ATXN8OS: variants seen among roughly 807,000 people sequenced by gnomAD.
ATXN8OS encodes the protein ATXN8 opposite strand (non-protein coding).
intron 1 of ATXN8OS, chr13:70,108,046 C>G (rs1191354793): frequency 9.5e-6 from 4 of 421,864 alleles, no homozygotes; most frequent in African/African-American, 2.0e-5. Context: ...GCTGGAGATG[C>G]GCGAGGGAGG....
exon 5 of ATXN8OS, among the ~76,000 whole-genome samples, chr13:70,170,802 A>T (rs1177444047): frequency 6.6e-6 from 1 of 152,096 alleles, no homozygotes; most frequent in African/African-American, 2.4e-5. Flanking sequence ...TGGGAACATC[A>T]CAGAATCTAC....
chr13:70,151,555 T>C (rs1423188688), intron 4 of ATXN8OS, among the ~76,000 whole-genome samples: 2 of 152,038 alleles, frequency 1.3e-5, no homozygotes, highest in Non-Finnish European at 2.9e-5. Flanking sequence ...GAAGGTTAGT[T>C]GCAAGTCAAT....
intron 3 of ATXN8OS, among the ~76,000 whole-genome samples, chr13:70,134,266 G>A (rs1888578319): frequency 2.0e-5 from 3 of 152,198 alleles, no homozygotes; most frequent in Non-Finnish European, 4.4e-5. Flanking sequence ...TCAGAGAAGA[G>A]CAATTGCAAT....
At chr13:70,167,673 A>T (rs2137508619) in intron 4 of ATXN8OS, among the ~76,000 whole-genome samples, 1 of 152,072 alleles carries the variant, frequency 6.6e-6, no homozygotes, top group Non-Finnish European at 1.5e-5. Context: ...TAACTTAAAA[A>T]AAAAGAAAAT....
At chr13:70,139,294 G>T (rs17751306) in intron 3 of ATXN8OS, 5 of 528,830 alleles carry the variant, frequency 9.5e-6, no homozygotes, top group Non-Finnish European at 1.7e-5. Flanking sequence ...GTTGGCTGAA[G>T]CCCTATTCCC....
At chr13:70,137,870 G>A (rs1888638749) in intron 3 of ATXN8OS, among the ~76,000 whole-genome samples, 1 of 152,168 alleles carries the variant, frequency 6.6e-6, no homozygotes. Context: ...ACAGTTCCAT[G>A]GTCTGTACAG....
intron 2 of ATXN8OS, among the ~76,000 whole-genome samples, chr13:70,128,620 T>G (rs1750976974): frequency 6.6e-6 from 1 of 152,182 alleles, no homozygotes; most frequent in Admixed American, 6.6e-5. Context: ...TAAACCCATG[T>G]TTAAAAATGC....
At chr13:70,157,554 T>TA (rs35761437) in intron 4 of ATXN8OS, among the ~76,000 whole-genome samples, 46,255 of 147,426 alleles carry the variant, frequency 0.31, 8,284 homozygotes, top group African/African-American at 0.51. Context: ...TACCAGCAGT[T>TA]AAAAAAAAAA....
chr13:70,161,406 A>G (rs1297465013), intron 4 of ATXN8OS, among the ~76,000 whole-genome samples: 2 of 152,138 alleles, frequency 1.3e-5, no homozygotes, highest in Non-Finnish European at 2.9e-5. Context: ...TTGTTAGTAG[A>G]TGTCAGGACT....
intron 3 of ATXN8OS, among the ~76,000 whole-genome samples, chr13:70,142,074 G>T (rs1241082521): frequency 6.6e-6 from 1 of 152,084 alleles, no homozygotes; most frequent in African/African-American, 2.4e-5. Context: ...ACAAGAGACA[G>T]GGTTTCTCCA....
chr13:70,166,391 C>T (rs1236970780), intron 4 of ATXN8OS, among the ~76,000 whole-genome samples: 4 of 151,886 alleles, frequency 2.6e-5, no homozygotes, highest in Non-Finnish European at 4.4e-5. Flanking sequence ...CTTTGACAAA[C>T]CTGACAAAAA....
intron 3 of ATXN8OS, among the ~76,000 whole-genome samples, chr13:70,140,535 A>ACAC (rs1566607725): frequency 6.2e-5 from 7 of 113,716 alleles, no homozygotes; most frequent in African/African-American, 2.0e-4. Context: ...CACACACACA[A>ACAC]AAAAAAAAAA....
intron 3 of ATXN8OS, chr13:70,139,374 A>AG (rs1555300501): frequency 1.5e-6 from 1 of 648,836 alleles, no homozygotes; most frequent in Non-Finnish European, 2.5e-6. Flanking sequence ...TACTACTACT[A>AG]CTACTACTAC....
At chr13:70,146,724 T>C (rs920717051) in intron 3 of ATXN8OS, among the ~76,000 whole-genome samples, 22 of 128,858 alleles carry the variant, frequency 1.7e-4, no homozygotes, top group African/African-American at 5.8e-4. Context: ...TGAGAACACA[T>C]GGACACAGGA....
At chr13:70,159,588 TC>T (rs1245845931) in intron 4 of ATXN8OS, among the ~76,000 whole-genome samples, 1 of 152,128 alleles carries the variant, frequency 6.6e-6, no homozygotes, top group African/African-American at 2.4e-5. Flanking sequence ...GGTGTATGGT[TC>T]CAGGGACATT....
At chr13:70,130,653 G>A (rs563836151) in intron 3 of ATXN8OS, 461 of 398,354 alleles carry the variant, frequency 1.2e-3, no homozygotes, top group Non-Finnish European at 1.7e-3. Context: ...GAATGCACAA[G>A]TAAGCATGCT....
At chr13:70,129,375 CTGTGTGTGTGTGTG>C (rs34731574) in intron 2 of ATXN8OS, among the ~76,000 whole-genome samples, 11 of 149,090 alleles carry the variant, frequency 7.4e-5, no homozygotes, top group African/African-American at 2.7e-4. Context: ...TTGTATTTTT[CTGTGTGTGTGTGTG>C]TGTGTGTGTG....
At chr13:70,129,800 A>C (rs1462689979) in exon 3 of ATXN8OS, 1 of 398,374 alleles carries the variant, frequency 2.5e-6, no homozygotes, top group Non-Finnish European at 4.4e-6. Flanking sequence ...CAACCACCCC[A>C]TCAATGACAA....
intron 2 of ATXN8OS, among the ~76,000 whole-genome samples, chr13:70,117,077 T>C (rs1888289691): frequency 6.6e-6 from 1 of 152,038 alleles, no homozygotes; most frequent in Admixed American, 6.6e-5. Flanking sequence ...CAAAAGAGGG[T>C]ATAAACTTGT....
Sources: allele counts gnomAD v4.1 joint callset (sites outside exome capture counted in the v4.1 genomes callset), GRCh38; gene constraint gnomAD v4.1.1; transcripts MANE v1.5; gene names NCBI Gene and HGNC (gene_info 2026-07-23, HGNC 2026-07-21).